MFSD6: variants seen among roughly 807,000 people sequenced by gnomAD.
MFSD6 encodes major facilitator superfamily domain-containing protein 6.
A neutral mutation model predicts 56.3 loss-of-function variants in MFSD6; 26 were observed. The ratio of observed to expected loss-of-function variants is 0.46; its 90% CI spans 0.34 to 0.64. The LOEUF (loss-of-function observed/expected upper bound fraction) is 0.64. MFSD6 is among the 30% of genes least tolerant of loss of function. MFSD6 has a pLI of 0.01. For missense variants in MFSD6, 750 were observed against 986.2 expected (o/e 0.76, Z 3.21); for synonymous variants, 331 against 366.9 (o/e 0.90, Z 1.12).
chr2:190,408,164 G>A (rs1354668282), upstream of MFSD6, among the ~76,000 whole-genome samples: 1 of 151,950 alleles, frequency 6.6e-6, no homozygotes, highest in Admixed American at 6.6e-5. Flanking sequence ...GGTCCTCAGC[G>A]CCCGGCCCTG....
In MFSD6 at chr2:190,423,638, A is replaced by G. The variant is rs1685702198; in HGVS notation, c.-54+8225A>G. On this transcript the variant is annotated intron_variant, in intron 2 of 7. Transcript: ENST00000392328. The surrounding 1 kb of genome is among the most constrained non-coding windows in gnomAD (Gnocchi z 4.3). ...TCTGTGTGAAAATAAGTTTTCATTT[A>G]TCTGGAATAAATTCCCAGAAGTGTA... 6.6e-6 allele frequency among the ~76,000 whole-genome samples: 1 copy of G among 152,202 alleles called. No homozygotes were observed. Among genetic ancestry groups the G allele is most frequent in the African/African-American group, 2.4e-5 (1 of 41,444 alleles).
Position 190,438,984 on chromosome 2 carries a change from C to T in MFSD6, c.1532+1423C>T, listed in dbSNP as rs1235540352. Among the ~76,000 whole-genome samples the T allele has an allele frequency of 6.6e-6, 1 of 152,110 alleles. No individual in the cohort carries two copies. The highest frequency in any genetic ancestry group is 1.5e-5 in the Non-Finnish European group (1 of 68,026). On this transcript the variant is annotated intron_variant, in intron 3 of 7. Transcript: ENST00000392328. This position sits in a 1 kb window ranked among gnomAD's most constrained non-coding sequence, Gnocchi z 5.2. ...ATCCCTTTGTTGTCACCACCAAAGT[C>T]AGGGACTGTGTGGATATTTCCTGGA...
chr2:190,429,509 G>A (rs1685894609), intron 2 of MFSD6, among the ~76,000 whole-genome samples: 1 of 151,846 alleles, frequency 6.6e-6, no homozygotes, highest in Non-Finnish European at 1.5e-5. Flanking sequence ...TATTTTTTTA[G>A]TAAAGACGGG....
At chr2:190,476,272 C>T (rs1398310374) in intron 4 of MFSD6, among the ~76,000 whole-genome samples, 1 of 152,074 alleles carries the variant, frequency 6.6e-6, no homozygotes, top group Non-Finnish European at 1.5e-5. Flanking sequence ...GAACAGGCAA[C>T]CTACAGAATG....
Position 190,489,878 on chromosome 2 carries a change from C to T in MFSD6, c.1891+12C>T, listed in dbSNP as rs761358691. On this transcript the variant is annotated intron_variant, in intron 6 of 7. Transcript: ENST00000392328. The surrounding 1 kb of genome is among the most constrained non-coding windows in gnomAD (Gnocchi z 6.6). The stretch of plus-strand genomic sequence containing the variant: ...AGATGAGGAAGAAGGTAATTATTTC[C>T]ATTCTTTCTTAATATTCCTAACAGT... 2.5e-6 allele frequency: 4 copies of T among 1,610,160 alleles called. No individual in the cohort carries two copies. The highest frequency in any genetic ancestry group is 2.5e-6 in the Non-Finnish European group (3 of 1,177,110).
chr2:190,456,748 A>AC lies in MFSD6; in HGVS notation c.1533-13008dup. On this transcript the variant is annotated intron_variant, in intron 3 of 7. Transcript: ENST00000392328. The surrounding 1 kb of genome is among the most constrained non-coding windows in gnomAD (Gnocchi z 5.4). ...GTCCAGCTGCAGGTAAGAGGTGGAA[A>AC]CCTTGGCTCACCCCTCGTCCTGCCT... Among the ~76,000 whole-genome samples, 1 of 152,276 alleles carries AC rather than the reference A, an allele frequency of 6.6e-6. No individual in the cohort carries two copies. Among genetic ancestry groups the AC allele is most frequent in the Admixed American group, 6.5e-5 (1 of 15,290 alleles).
In MFSD6 at chr2:190,451,537, T is replaced by C. The variant is rs896096612; in HGVS notation, c.1532+13976T>C. Among the ~76,000 whole-genome samples, 3 of 152,212 alleles carry C rather than the reference T, an allele frequency of 2.0e-5. No homozygotes were observed. The highest frequency in any genetic ancestry group is 7.2e-5 in the African/African-American group (3 of 41,450). On this transcript the variant is annotated intron_variant, in intron 3 of 7. Transcript: ENST00000392328. The surrounding 1 kb of genome is among the most constrained non-coding windows in gnomAD (Gnocchi z 5.0). ...GGGCAGACAGTGAACAGTAAGTAGA[T>C]GATTTTACTTCTGATAATGATGGGT...
rs1486572633 is a variant in MFSD6, at chr2:190,497,281, C to T, written c.1892-158C>T. On this transcript the variant is annotated intron_variant, in intron 6 of 7. Coordinates refer to ENST00000392328, the MANE Select transcript of MFSD6 (RefSeq NM_017694.4). The surrounding 1 kb of genome is among the most constrained non-coding windows in gnomAD (Gnocchi z 5.2). ...ATCATGTTCATTGATTCAGTACTTA[C>T]ACCAAGTAATGAAGTCATTGGTAAC... is the stretch of plus-strand genomic sequence containing the variant. Among the ~76,000 whole-genome samples the T allele has an allele frequency of 6.6e-6, 1 of 152,126 alleles. No individual in the cohort carries two copies. Among genetic ancestry groups the T allele is most frequent in the Non-Finnish European group, 1.5e-5 (1 of 68,032 alleles).
At chr2:190,475,094 C>T (rs1049697953) in intron 4 of MFSD6, among the ~76,000 whole-genome samples, 2 of 151,988 alleles carry the variant, frequency 1.3e-5, no homozygotes, top group African/African-American at 4.8e-5. Context: ...TATGACAAAC[C>T]CACAGCCAAT....
Position 190,437,456 on chromosome 2 carries a change from A to G in MFSD6, c.1427A>G (p.Asn476Ser), listed in dbSNP as rs774315733. ...CTCTACTGGCATTTGGAAGACCTCA[A>G]TGGAACTACAACCCTCTTTGGGGTC... ...TFLYWHLEDL[N>S]GTTTLFGVCS... The change falls in exon 3 of 8, where the codon AAT (asparagine) becomes AGT (serine). Residue 476 changes from asparagine to serine, a missense_variant. Asn to Ser is a conservative substitution (Grantham distance 46). This residue lies in a region of MFSD6 where 125 missense variants were observed against 223.1 expected (regional missense o/e 0.56). Transcript: ENST00000392328. The surrounding 1 kb of genome is among the most constrained non-coding windows in gnomAD (Gnocchi z 5.9). 21 of 1,614,116 alleles carry G rather than the reference A, an allele frequency of 1.3e-5. No individual in the cohort carries two copies. In the South Asian group the frequency reaches 2.0e-4, roughly 15 times the overall value.
chr2:190,477,996 CA>C (rs2125186668), intron 4 of MFSD6, among the ~76,000 whole-genome samples: 1 of 152,268 alleles, frequency 6.6e-6, no homozygotes, highest in African/African-American at 2.4e-5. Context: ...ATGGCCTCTT[CA>C]GGGAGCATAA....
chr2:190,435,787 A>T (rs1402524626), intron 2 of MFSD6, 190 bp from the exon 3 acceptor site: 1 of 470,818 alleles, frequency 2.1e-6, no homozygotes, highest in Non-Finnish European at 3.7e-6. Context: ...GTGGCCATAA[A>T]GAGTATTCGA....
intron 2 of MFSD6, among the ~76,000 whole-genome samples, chr2:190,422,525 A>G (rs1685656644): frequency 6.6e-6 from 1 of 152,206 alleles, no homozygotes; most frequent in African/African-American, 2.4e-5. Flanking sequence ...AACTCAAGTA[A>G]TAATTTGGCT....
chr2:190,484,279 A>T (rs1688881369), intron 4 of MFSD6, among the ~76,000 whole-genome samples: 2 of 152,190 alleles, frequency 1.3e-5, no homozygotes, highest in East Asian at 3.8e-4. Flanking sequence ...TCTCATACTT[A>T]AAAAGGTTTA....
In MFSD6 at chr2:190,458,210, G is replaced by A. The variant is rs921212582; in HGVS notation, c.1533-11548G>A. Among the ~76,000 whole-genome samples the A allele has an allele frequency of 5.3e-4, 80 of 151,890 alleles. No homozygotes were observed. Among genetic ancestry groups the A allele is most frequent in the African/African-American group, 1.8e-3 (74 of 41,212 alleles). ...AATTGTGGCCCCTGAAGATTCATAC[G>A]TTGAGGTCCTAACCCACAGTACCTC... On this transcript the variant is annotated intron_variant, in intron 3 of 7. Coordinates refer to ENST00000392328, the MANE Select transcript of MFSD6 (RefSeq NM_017694.4). The surrounding 1 kb of genome is among the most constrained non-coding windows in gnomAD (Gnocchi z 5.3).
Position 190,416,967 on chromosome 2 carries a change from C to G in MFSD6, c.-54+1554C>G, listed in dbSNP as rs1690802179. On this transcript the variant is annotated intron_variant, in intron 2 of 7. Coordinates refer to ENST00000392328, the MANE Select transcript of MFSD6 (RefSeq NM_017694.4). The surrounding 1 kb of genome is among the most constrained non-coding windows in gnomAD (Gnocchi z 4.1). ...GTCATCAGGTGCTTGTCAAAATAAA[C>G]AGTATTGAGAGCTTACAGGGGTAAA... Among the ~76,000 whole-genome samples, 1 of 151,908 alleles carries G rather than the reference C, an allele frequency of 6.6e-6. No individual in the cohort carries two copies. The highest frequency in any genetic ancestry group is 6.6e-5 in the Admixed American group (1 of 15,246).
At position 190,492,945 on chromosome 2, in the gene MFSD6, G is replaced by A. The variant is rs1689444627; in HGVS notation, c.1891+3079G>A. Among the ~76,000 whole-genome samples the A allele has an allele frequency of 2.6e-5, 4 of 151,348 alleles. No homozygotes were observed. Among genetic ancestry groups the A allele is most frequent in the Non-Finnish European group, 2.9e-5 (2 of 67,886 alleles). ...CCTCTTTAAAGCATAAATCTCACAG[G>A]ACCTATAAAACAAAATACAATTAAA... On this transcript the variant is annotated intron_variant, in intron 6 of 7. Coordinates refer to ENST00000392328, the MANE Select transcript of MFSD6 (RefSeq NM_017694.4). The surrounding 1 kb of genome is among the most constrained non-coding windows in gnomAD (Gnocchi z 5.2).
At chr2:190,475,255 G>C (rs1388584692) in intron 4 of MFSD6, among the ~76,000 whole-genome samples, 2 of 152,144 alleles carry the variant, frequency 1.3e-5, no homozygotes, top group African/African-American at 4.8e-5. Flanking sequence ...TATTCAATTA[G>C]GAAAAGAGGA....
chr2:190,432,245 G>A (rs115165348), intron 2 of MFSD6, among the ~76,000 whole-genome samples: 1,669 of 152,292 alleles, frequency 0.011, 33 homozygotes, highest in African/African-American at 0.037. Context: ...TTCCTGCCTA[G>A]AGGATGGAAG....
Sources: allele counts gnomAD v4.1 joint callset (sites outside exome capture counted in the v4.1 genomes callset), GRCh38; gene constraint gnomAD v4.1.1; regional missense constraint gnomAD v4.1.1; non-coding constraint Gnocchi (gnomAD v3.1); transcripts MANE v1.5; gene names NCBI Gene and HGNC (gene_info 2026-07-23, HGNC 2026-07-21).